PRLR: variants seen among roughly 807,000 people sequenced by gnomAD.
PRLR encodes hPRL receptor.
Under a neutral mutation model 40.2 loss-of-function variants are expected in PRLR, and 13 were observed. The ratio of observed to expected loss-of-function variants is 0.32; its 90% CI spans 0.21 to 0.51. PRLR has a LOEUF of 0.51. Ranked by LOEUF, PRLR falls within the 20% of genes least tolerant of loss-of-function variation. The pLI, the probability that PRLR is intolerant of heterozygous loss-of-function variation, is 0.97. For missense variants in PRLR, 656 were observed against 747.3 expected, an observed-to-expected ratio of 0.88 and a Z score of 1.42; for synonymous variants, 269 against 278.7, an observed-to-expected ratio of 0.97 and a Z score of 0.35.
At position 35,142,155 on chromosome 5, in the gene PRLR, A is replaced by T. The variant is rs552006863; in HGVS notation, c.-105-24033T>A. ...ATTCAGAAGTGAATAGGTTGGCCAA[A>T]CAAAAAACCTAGAAATATAGATACC... On this transcript the variant is annotated intron_variant, in intron 1 of 9. Transcript: ENST00000618457. Among the ~76,000 whole-genome samples, 5 of 152,346 alleles carry T rather than the reference A, an allele frequency of 3.3e-5. No homozygotes were observed. In the South Asian group the frequency reaches 1.0e-3, roughly 32 times the overall value.
chr5:35,198,360 A>G (rs1587607), intron 1 of PRLR, among the ~76,000 whole-genome samples: 36,624 of 152,134 alleles, frequency 0.24, 4,782 homozygotes, highest in African/African-American at 0.32. Flanking sequence ...CCTTGACTCT[A>G]TGGAGCATTG....
chr5:35,181,904 C>T (rs1259071311), intron 1 of PRLR, among the ~76,000 whole-genome samples: 1 of 152,172 alleles, frequency 6.6e-6, no homozygotes, highest in Non-Finnish European at 1.5e-5. Context: ...AGGTCTTCAA[C>T]TGTTGTTAGG....
At chr5:35,167,132 GTCTATCA>G (rs1218003012) in intron 1 of PRLR, among the ~76,000 whole-genome samples, 2 of 142,380 alleles carry the variant, frequency 1.4e-5, no homozygotes, top group African/African-American at 5.2e-5. Context: ...CAATCTGTTT[GTCTATCA>G]TCTATCTATC....
At chr5:35,224,860 T>C (rs1776511794) in intron 1 of PRLR, among the ~76,000 whole-genome samples, 1 of 152,028 alleles carries the variant, frequency 6.6e-6, no homozygotes, top group Admixed American at 6.6e-5. Context: ...TAAATGAAAC[T>C]GCAGGAAAAA....
At chr5:35,068,473 G>A (rs1304218483) in intron 8 of PRLR, among the ~76,000 whole-genome samples, 188 bp from the exon 9 acceptor site, 1 of 152,134 alleles carries the variant, frequency 6.6e-6, no homozygotes, top group Non-Finnish European at 1.5e-5. Context: ...GCTAATTAAG[G>A]AGGCTGATTT....
intron 1 of PRLR, among the ~76,000 whole-genome samples, chr5:35,147,614 T>G (rs1365848214): frequency 6.6e-6 from 1 of 152,022 alleles, no homozygotes; most frequent in Non-Finnish European, 1.5e-5. Flanking sequence ...TTGTGAAAAA[T>G]CAGGGCCTCA....
chr5:35,172,525 A>T (rs1052259867), intron 1 of PRLR, among the ~76,000 whole-genome samples: 4 of 151,862 alleles, frequency 2.6e-5, no homozygotes, highest in Admixed American at 1.3e-4. Context: ...CCACCCTCTG[A>T]CCCTTCCGAC....
intron 1 of PRLR, among the ~76,000 whole-genome samples, chr5:35,190,216 C>T (rs1775563489): frequency 6.6e-6 from 1 of 152,166 alleles, no homozygotes; most frequent in Non-Finnish European, 1.5e-5. Context: ...CATGTGGAAA[C>T]CAAGGCACAA....
At chr5:35,177,250 A>C (rs1283883018) in intron 1 of PRLR, among the ~76,000 whole-genome samples, 2 of 151,692 alleles carry the variant, frequency 1.3e-5, no homozygotes, top group Non-Finnish European at 2.9e-5. Context: ...GGGTCCCCTT[A>C]TTTCTTTCTC....
chr5:35,196,501 C>T (rs79759113), intron 1 of PRLR, among the ~76,000 whole-genome samples: 4,354 of 152,334 alleles, frequency 0.029, 83 homozygotes, highest in Middle Eastern at 0.068. Context: ...CTGACTCCAT[C>T]AGCCAGGGGA....
At chr5:35,205,506 C>T (rs1037032839) in intron 1 of PRLR, among the ~76,000 whole-genome samples, 4 of 151,572 alleles carry the variant, frequency 2.6e-5, no homozygotes, top group African/African-American at 9.7e-5. Context: ...CCAAATAGAA[C>T]CATTTCAAAC....
intron 1 of PRLR, among the ~76,000 whole-genome samples, chr5:35,200,039 T>C (rs1163557613): frequency 6.6e-6 from 1 of 152,210 alleles, no homozygotes; most frequent in African/African-American, 2.4e-5. Context: ...GTGGCTCTGA[T>C]GATTGCCAAG....
intron 1 of PRLR, among the ~76,000 whole-genome samples, chr5:35,220,373 A>G (rs548730011): frequency 3.0e-4 from 45 of 152,204 alleles, no homozygotes; most frequent in African/African-American, 1.1e-3. Flanking sequence ...TTTCTGCCTG[A>G]AGCCTTCTTT....
intron 1 of PRLR, among the ~76,000 whole-genome samples, chr5:35,138,084 T>A (rs1357105704): frequency 6.6e-6 from 1 of 152,226 alleles, no homozygotes. Flanking sequence ...CAGTCTGGCC[T>A]GGGTTAGGGC....
chr5:35,120,410 G>C (rs1773248852), intron 1 of PRLR, among the ~76,000 whole-genome samples: 1 of 152,152 alleles, frequency 6.6e-6, no homozygotes, highest in South Asian at 2.1e-4. Context: ...TTTTCTGTCT[G>C]ACCCTAAGAT....
At chr5:35,182,100 GTACT>G in intron 1 of PRLR, among the ~76,000 whole-genome samples, 1 of 152,244 alleles carries the variant, frequency 6.6e-6, no homozygotes, top group Non-Finnish European at 1.5e-5. Flanking sequence ...GACCAGATCA[GTACT>G]TAGAGTCTTC....
intron 1 of PRLR, among the ~76,000 whole-genome samples, chr5:35,193,228 C>T (rs924988629): frequency 6.6e-6 from 1 of 152,148 alleles, no homozygotes; most frequent in Non-Finnish European, 1.5e-5. Context: ...GGACAAGGAG[C>T]AAAATATATG....
rs1768709680 is a variant in PRLR, at chr5:35,056,263, AG to A, written c.*8825del. ...TCCAGTTTAGGTGTTGGGACTTCCA[AG>A]GTAGAATACATCTGACAATATCAAA... is the stretch of plus-strand genomic sequence containing the variant. On this transcript the variant is annotated 3_prime_UTR_variant, in exon 10 of 10. Transcript: ENST00000618457. 2 of 152,166 alleles carry A rather than the reference AG, an allele frequency of 1.3e-5. No homozygotes were observed. Among genetic ancestry groups the A allele is most frequent in the African/African-American group, 2.4e-5 (1 of 41,432 alleles). 9.4% of individuals were successfully genotyped at this position (152,166 alleles called of 1,614,324 possible).
chr5:35,074,323 G>T, intron 5 of PRLR, among the ~76,000 whole-genome samples: 1 of 151,882 alleles, frequency 6.6e-6, no homozygotes. Context: ...TTTGCCAGGC[G>T]TGGTGGTGTG....
Sources: allele counts gnomAD v4.1 joint callset (sites outside exome capture counted in the v4.1 genomes callset), GRCh38; gene constraint gnomAD v4.1.1; transcripts MANE v1.5; gene names NCBI Gene and HGNC (gene_info 2026-07-23, HGNC 2026-07-21).